SPMIP3: variants seen among roughly 807,000 people sequenced by gnomAD.
SPMIP3 encodes the protein protein SPMIP3.
At chr1:244,362,869 AGGGTCT>A in the SPMIP3 span, among the ~76,000 whole-genome samples, 1 of 127,512 alleles carries the variant, frequency 7.8e-6, no homozygotes, top group Non-Finnish European at 1.6e-5. Context: ...TTTTTGAGAC[AGGGTCT>A]CACTGTCACC....
the SPMIP3 span, among the ~76,000 whole-genome samples, chr1:244,366,565 C>T: frequency 6.6e-6 from 1 of 152,190 alleles, no homozygotes; most frequent in Non-Finnish European, 1.5e-5. Flanking sequence ...TGGATGTGTC[C>T]TTCCTGGCTA....
At chr1:244,378,559 G>A in the SPMIP3 span, 10 of 1,613,792 alleles carry the variant, frequency 6.2e-6, no homozygotes, top group African/African-American at 1.3e-5. Context: ...ATTTGTCTTC[G>A]AAGACATTCA....
At chr1:244,375,462 T>A in the SPMIP3 span, 1 of 1,613,058 alleles carries the variant, frequency 6.2e-7, no homozygotes, top group Non-Finnish European at 8.5e-7. Flanking sequence ...CAAAGAGAGC[T>A]CCCAGGTGAG....
chr1:244,361,157 A>C, the SPMIP3 span, among the ~76,000 whole-genome samples: 1 of 152,080 alleles, frequency 6.6e-6, no homozygotes. Context: ...CAGTTAGAAG[A>C]AAAAAGATCA....
the SPMIP3 span, chr1:244,375,492 G>A: frequency 1.3e-6 from 2 of 1,574,180 alleles, no homozygotes; most frequent in Non-Finnish European, 1.7e-6. Context: ...CAATCCCAAT[G>A]TCCAAGAATG....
the SPMIP3 span, among the ~76,000 whole-genome samples, chr1:244,376,225 A>C: frequency 6.6e-6 from 1 of 152,004 alleles, no homozygotes. Context: ...CTTTTTCTGA[A>C]CGTCAGGCAC....
At chr1:244,380,123 CTTTTTTTTTTT>C in the SPMIP3 span, among the ~76,000 whole-genome samples, 38 of 115,530 alleles carry the variant, frequency 3.3e-4, no homozygotes, top group Non-Finnish European at 3.7e-4. Flanking sequence ...CAGAGTTTTT[CTTTTTTTTTTT>C]TTTTTTTTTT....
the SPMIP3 span, among the ~76,000 whole-genome samples, chr1:244,382,606 T>TG: frequency 7.9e-4 from 116 of 147,222 alleles, no homozygotes; most frequent in African/African-American, 2.7e-3. Context: ...TGCTGTTTTT[T>TG]TTTTTTTTTT....
At chr1:244,378,982 G>A in the SPMIP3 span, among the ~76,000 whole-genome samples, 2 of 152,076 alleles carry the variant, frequency 1.3e-5, no homozygotes, top group South Asian at 4.1e-4. Context: ...AGGCTGGAGT[G>A]CAGTGGTGCG....
chr1:244,356,403 C>A, the SPMIP3 span, among the ~76,000 whole-genome samples: 3 of 152,070 alleles, frequency 2.0e-5, no homozygotes, highest in Non-Finnish European at 4.4e-5. Flanking sequence ...TTATATAATG[C>A]CAAAAATCTA....
the SPMIP3 span, among the ~76,000 whole-genome samples, chr1:244,361,235 C>CTTTCTTTTTTTTTTTT: frequency 1.7e-5 from 2 of 119,314 alleles, no homozygotes; most frequent in African/African-American, 6.1e-5. Flanking sequence ...TTCTTTCTTT[C>CTTTCTTTTTTTTTTTT]TTTTTTTTTT....
At chr1:244,358,518 G>C in the SPMIP3 span, among the ~76,000 whole-genome samples, 1 of 151,620 alleles carries the variant, frequency 6.6e-6, no homozygotes, top group Non-Finnish European at 1.5e-5. Flanking sequence ...CCAGGAGGTA[G>C]AGGTTGCAGT....
chr1:244,374,339 A>G, the SPMIP3 span, among the ~76,000 whole-genome samples: 12 of 151,992 alleles, frequency 7.9e-5, no homozygotes, highest in Non-Finnish European at 1.5e-4. Context: ...CAGCCTCTAG[A>G]CAGGGCTCGA....
chr1:244,384,944 C>T, the SPMIP3 span, among the ~76,000 whole-genome samples: 2 of 152,174 alleles, frequency 1.3e-5, no homozygotes, highest in Non-Finnish European at 2.9e-5. Context: ...CTCTGTCACC[C>T]AGGCTGGAGT....
At chr1:244,388,088 C>T in the SPMIP3 span, among the ~76,000 whole-genome samples, 19 of 151,600 alleles carry the variant, frequency 1.3e-4, no homozygotes, top group Admixed American at 7.2e-4. Flanking sequence ...CCACCACGCC[C>T]GGCTAATTTT....
chr1:244,389,220 T>C, the SPMIP3 span: 1 of 609,478 alleles, frequency 1.6e-6, no homozygotes, highest in African/African-American at 1.9e-5. Flanking sequence ...GCAGATTAAG[T>C]TGGTCAGCTT....
At chr1:244,363,908 G>A in the SPMIP3 span, among the ~76,000 whole-genome samples, 5 of 152,228 alleles carry the variant, frequency 3.3e-5, no homozygotes, top group East Asian at 1.9e-4. Flanking sequence ...ATGCAAGGGC[G>A]CTCACTCCTA....
At chr1:244,359,980 G>A in the SPMIP3 span, among the ~76,000 whole-genome samples, 4 of 151,690 alleles carry the variant, frequency 2.6e-5, no homozygotes, top group South Asian at 2.1e-4. Flanking sequence ...GTGGTGGTGC[G>A]TGCCTGTAGT....
At chr1:244,372,658 T>G in the SPMIP3 span, among the ~76,000 whole-genome samples, 1 of 152,154 alleles carries the variant, frequency 6.6e-6, no homozygotes, top group African/African-American at 2.4e-5. Context: ...TTAGCCAGGA[T>G]GGTCTCGAAC....
Sources: allele counts gnomAD v4.1 joint callset (sites outside exome capture counted in the v4.1 genomes callset), GRCh38; gene constraint gnomAD v4.1.1; transcripts MANE v1.5; gene names NCBI Gene and HGNC (gene_info 2026-07-23, HGNC 2026-07-21).